Variants in LRP4 observed in about 807,000 individuals in gnomAD.
LRP4 encodes the protein LDL receptor related protein 4.
In LRP4, 95 loss-of-function variants were observed where a neutral mutation model predicts 220.3. The ratio of observed to expected loss-of-function variants is 0.43; its 90% CI spans 0.37 to 0.51. The LOEUF is 0.51. Among genes scored for constraint, LRP4 ranks in the 20% least tolerant of loss-of-function variants. LRP4 has a pLI of 0.00. For missense variants in LRP4, 1,925 were observed against 2,567.0 expected, an observed-to-expected ratio of 0.75 and a Z score of 5.40; for synonymous variants, 903 against 954.6, an observed-to-expected ratio of 0.95 and a Z score of 1.00.
intron 23 of LRP4, among the ~76,000 whole-genome samples, 170 bp from the exon 24 acceptor site, chr11:46,877,000 C>G (rs780904871): frequency 6.6e-6 from 1 of 152,048 alleles, no homozygotes; most frequent in African/African-American, 2.4e-5. Flanking sequence ...TTGGCAGAGA[C>G]GGAGAGAAGA....
rs187862086 is a variant in LRP4 at position 46,867,514 on chromosome 11, T to C, written c.5087+465A>G. ...TCGCTCTTTGTTGCCCAGGCTGGAG[T>C]GTAATGGCGCGATCTCGGCTCACCG... On this transcript the variant is annotated intron_variant, in intron 34 of 37. Transcript: ENST00000378623. Among the ~76,000 whole-genome samples, 430 of 152,272 alleles carry C rather than the reference T, an allele frequency of 2.8e-3. 2 individuals carry two copies. The highest frequency in any genetic ancestry group is 9.6e-3 in the African/African-American group (400 of 41,548).
At position 46,894,782 on chromosome 11, in the gene LRP4, G is replaced by A. The variant is rs376686575; in HGVS notation, c.1347C>T (p.Asp449=). The change falls in exon 12 of 38, where the codon GAC becomes GAT. Residue 449 remains aspartate (D), a synonymous_variant. Coordinates refer to ENST00000378623, the MANE Select transcript of LRP4 (RefSeq NM_002334.4). ...AGCGGTGTGGCAGCACCTGCCGGAT[G>A]TCGATGCGATTGGCGAACAGCAGCA... The part of the protein sequence containing the change: ...EPVLLFANRI[D]IRQVLPHRSE... The A allele has an allele frequency of 8.1e-6, 13 of 1,614,094 alleles. No individual in the cohort carries two copies.
At position 46,899,547 on chromosome 11, in the gene LRP4, G is replaced by A. The variant is rs1644225803; in HGVS notation, c.431-44C>T. The stretch of plus-strand genomic sequence containing the variant: ...ACAGCAGTTCTGAGGGGGCCCCACA[G>A]GCAACCCTCTCACCCTCCTCTCTGA... On this transcript the variant is annotated intron_variant, in intron 4 of 37. Coordinates refer to ENST00000378623, the MANE Select transcript of LRP4 (RefSeq NM_002334.4). The surrounding 1 kb of genome is among the most constrained non-coding windows in gnomAD (Gnocchi z 5.9). 7.4e-7 allele frequency: 1 copy of A among 1,353,380 alleles called. No individual in the cohort carries two copies. The highest frequency in any genetic ancestry group is 1.1e-6 in the Non-Finnish European group (1 of 948,432). The allele number at this position is 1,353,380 out of a possible 1,614,324, so 83.8% of individuals were successfully genotyped here. A position where few individuals can be genotyped will look rare whatever the true frequency, so the allele number is the denominator to read the frequency against.
Position 46,879,298 on chromosome 11 carries a change from C to A in LRP4, c.2832G>T (p.Gln944His). ...GGGTCAGCCCAAATGGGTGGGGGAGCTGGCTTCCAATCAGCACCTGCCAGG... is the reference window on the plus strand; with the variant it reads ...GGGTCAGCCCAAATGGGTGGGGGAGATGGCTTCCAATCAGCACCTGCCAGG... ...GSKRKVLIGS[Q>H]LPHPFGLTLY... Residue 944 changes from glutamine to histidine, a missense_variant, in exon 21 of 38, where the codon CAG (glutamine) becomes CAT (histidine). Physicochemically the swap from Gln to His is conservative, Grantham distance 24. Around this residue, in one of 3 missense-constraint regions of LRP4, gnomAD observed 1,244 missense variants for 1,624.9 expected, o/e 0.77. Coordinates refer to ENST00000378623, the MANE Select transcript of LRP4 (RefSeq NM_002334.4). 6.2e-7 allele frequency: 1 copy of A among 1,614,172 alleles called. No individual in the cohort carries two copies.
intron 2 of LRP4, among the ~76,000 whole-genome samples, chr11:46,902,008 C>T (rs891885176): frequency 2.7e-5 from 4 of 150,892 alleles, no homozygotes; most frequent in Non-Finnish European, 4.4e-5. Flanking sequence ...GCTGGGATTA[C>T]AGGCATGAGC....
chr11:46,896,088 A>C, intron 9 of LRP4, 70 bp from the exon 10 acceptor site: 1 of 1,612,570 alleles, frequency 6.2e-7, no homozygotes, highest in South Asian at 1.1e-5. Flanking sequence ...TTGGCATTCC[A>C]CCTGGACCAC....
At chr11:46,916,910 A>G (rs1565810065) in intron 1 of LRP4, among the ~76,000 whole-genome samples, 1 of 152,188 alleles carries the variant, frequency 6.6e-6, no homozygotes, top group Non-Finnish European at 1.5e-5. Flanking sequence ...AACACGCCAA[A>G]GAGGCTACAA....
intron 13 of LRP4, among the ~76,000 whole-genome samples, chr11:46,891,907 A>C (rs1941431820): frequency 6.6e-6 from 1 of 152,018 alleles, no homozygotes; most frequent in Non-Finnish European, 1.5e-5. Context: ...TGAGCCACTG[A>C]ACCTGACCAG....
At chr11:46,911,841 CTTTTT>C (rs540593524) in intron 1 of LRP4, among the ~76,000 whole-genome samples, 1 of 118,810 alleles carries the variant, frequency 8.4e-6, no homozygotes, top group Non-Finnish European at 1.7e-5. Context: ...TGGGAATCTT[CTTTTT>C]TTTTTTTTTT....
intron 25 of LRP4, 125 bp downstream of exon 25, chr11:46,876,341 G>A (rs578057382): frequency 3.8e-5 from 40 of 1,058,994 alleles, no homozygotes; most frequent in Non-Finnish European, 5.4e-5. Flanking sequence ...GAGAGTGGAA[G>A]AGCCCCAGGG....
At chr11:46,895,456 C>A (rs1470849472) in intron 10 of LRP4, among the ~76,000 whole-genome samples, 165 bp from the exon 11 acceptor site, 1 of 152,158 alleles carries the variant, frequency 6.6e-6, no homozygotes, top group African/African-American at 2.4e-5. Flanking sequence ...TGGCGCACAC[C>A]TGTAGTCCCA....
In LRP4 at chr11:46,877,215, T is replaced by A. The variant is rs1465323186; in HGVS notation, c.3261A>T (p.Gly1087=). 1.2e-6 allele frequency: 2 copies of A among 1,613,726 alleles called. No homozygotes were observed. Among genetic ancestry groups the A allele is most frequent in the Non-Finnish European group, 1.7e-6 (2 of 1,179,844 alleles). The change falls in exon 23 of 38, where the codon GGA becomes GGT. Residue 1087 remains glycine, a synonymous_variant. Coordinates refer to ENST00000378623, the MANE Select transcript of LRP4 (RefSeq NM_002334.4). ...NITMKNTIAI[G]VDPQEGKVYW... ...CATACAGACCTTCCTGGGGGTCTAC[T>A]CCAATGGCAATGGTGTTCTTCATGG...
At position 46,868,928 on chromosome 11, in the gene LRP4, T is replaced by C; in HGVS notation, c.4837+60A>G. The C allele has an allele frequency of 5.0e-6, 8 of 1,610,992 alleles. No individual in the cohort carries two copies. The South Asian group carries it at 8.8e-5, about 18-fold the overall frequency. Reference sequence around the variant, plus strand: ...AACTGTCTTGGTCCCTAACAGTCCTTGGGTTGACCGACCAATCCCACAGAT... The same window carrying C: ...AACTGTCTTGGTCCCTAACAGTCCTCGGGTTGACCGACCAATCCCACAGAT... On this transcript the variant is annotated intron_variant, in intron 32 of 37. Transcript: ENST00000378623.
chr11:46,876,806 G>A lies in LRP4; in HGVS notation c.3302C>T (p.Thr1101Ile). The A allele has an allele frequency of 1.2e-6, 2 of 1,614,068 alleles. No homozygotes were observed. The highest frequency in any genetic ancestry group is 1.7e-6 in the Non-Finnish European group (2 of 1,180,006). The change falls in exon 24 of 38, where the codon ACA becomes ATA. Residue 1101 changes from threonine (T) to isoleucine (I), a missense_variant. Around this residue, in one of 3 missense-constraint regions of LRP4, gnomAD observed 1,244 missense variants for 1,624.9 expected, o/e 0.77. Coordinates refer to ENST00000378623, the MANE Select transcript of LRP4 (RefSeq NM_002334.4). ...QEGKVYWSDSTLHRISRANLD... is the reference protein window; with the variant it reads ...QEGKVYWSDSILHRISRANLD... ...ATTGGCACGACTGATCCTGTGCAGT[G>A]TGCTGTCAGACCAGTACACCTTTCC... is the stretch of plus-strand genomic sequence containing the variant.
At position 46,858,471 on chromosome 11, in the gene LRP4, C is replaced by T. The variant is rs565400444; in HGVS notation, c.*512G>A. The stretch of plus-strand genomic sequence containing the variant: ...CTTGAGGCTGGAGGTTTCCCAGATG[C>T]CCATACCTGCTGGGCTGATTCTTCC... On this transcript the variant is annotated 3_prime_UTR_variant, in exon 38 of 38. Coordinates refer to ENST00000378623, the MANE Select transcript of LRP4 (RefSeq NM_002334.4). 121 of 196,476 alleles carry T rather than the reference C, an allele frequency of 6.2e-4. No individual in the cohort carries two copies. Among genetic ancestry groups the T allele is most frequent in the Non-Finnish European group, 7.7e-4 (72 of 93,362 alleles). 12.2% of individuals were successfully genotyped at this position (196,476 alleles called of 1,614,324 possible).
chr11:46,898,905 G>A lies in LRP4; in HGVS notation c.675C>T (p.Cys225=). The A allele has an allele frequency of 6.2e-7, 1 of 1,613,786 alleles. No individual in the cohort carries two copies. The highest frequency in any genetic ancestry group is 2.2e-5 in the East Asian group (1 of 44,870). Residue 225 remains cysteine, a splice_region_variant and synonymous_variant, in exon 6 of 38, where the codon TGC becomes TGT. Transcript: ENST00000378623. ...CTCCCAGCTGGCCAGAGTACTCACA[G>A]CAGTCAGACTCGTCTGACCAGTCTC... ...DCGDWSDESD[C]SSHQPCRSGE... is the part of the protein sequence containing the mutation.
chr11:46,916,338 GC>G (rs1283394083), intron 1 of LRP4, among the ~76,000 whole-genome samples: 1 of 152,090 alleles, frequency 6.6e-6, no homozygotes, highest in Non-Finnish European at 1.5e-5. Context: ...TACTCAGGAG[GC>G]TGAGATGACA....
At chr11:46,910,431 A>C (rs1941839962) in intron 1 of LRP4, among the ~76,000 whole-genome samples, 1 of 152,222 alleles carries the variant, frequency 6.6e-6, no homozygotes, top group Non-Finnish European at 1.5e-5. Flanking sequence ...GCACATACTA[A>C]GTGCTCAATA....
At position 46,878,989 on chromosome 11, in the gene LRP4, A is replaced by G. The variant is rs367547244; in HGVS notation, c.3054T>C (p.Leu1018=). The G allele has an allele frequency of 6.2e-7, 1 of 1,614,236 alleles. No homozygotes were observed. ...MENGGCSHLC[L]RSPNPSGFSC... is the part of the protein sequence containing the mutation. ...TGAATCCGCTTGGATTTGGGGACCT[A>G]AGACACAGGTGGCTACAGCCGCCAT... The change falls in exon 22 of 38, where the codon CTT becomes CTC. Residue 1018 remains leucine (L), a synonymous_variant. Coordinates refer to ENST00000378623, the MANE Select transcript of LRP4 (RefSeq NM_002334.4).
Sources: gnomAD v4.1 joint callset for allele counts (sites outside exome capture counted in the v4.1 genomes callset) on GRCh38, gnomAD v4.1.1 for gene constraint, gnomAD v4.1.1 regional missense constraint, Gnocchi (gnomAD v3.1) non-coding constraint, MANE v1.5 for transcripts, NCBI Gene and HGNC (gene_info 2026-07-23, HGNC 2026-07-21) for gene names.